The following EDA variants were observed in gnomAD, a reference collection of about 807,000 sequenced individuals.
EDA encodes ectodysplasin-A.
In EDA, 2 loss-of-function variants were observed where a neutral mutation model predicts 23.6. That is an observed-to-expected ratio of 0.08 (90% confidence interval 0.03 to 0.27). EDA has a LOEUF of 0.27. EDA is among the 10% of genes least tolerant of loss of function. The probability of loss-of-function intolerance (pLI) is 1.00; values close to 1 mark genes in which losing one functional copy is unlikely to be tolerated. For synonymous variants in EDA, 131 were observed against 132.0 expected (o/e 0.99, Z 0.05); for missense variants, 229 against 324.2 (o/e 0.71, Z 2.26).
At chrX:69,789,212 A>T (rs899092582) in intron 1 of EDA, among the ~76,000 whole-genome samples, 17 of 111,928 alleles carry the variant, frequency 1.5e-4, no homozygotes, top group African/African-American at 5.2e-4. Context: ...TAGTGAGATG[A>T]ACCCGGTACC....
chrX:69,895,141 G>A (rs1365428539), intron 1 of EDA, among the ~76,000 whole-genome samples: 1 of 111,008 alleles, frequency 9.0e-6, no homozygotes, highest in Admixed American at 9.7e-5. Flanking sequence ...TTTATCAAAG[G>A]CCTTTTCTGC....
chrX:69,945,146 C>T (rs1177239027), intron 1 of EDA, among the ~76,000 whole-genome samples: 9 of 111,798 alleles, frequency 8.1e-5, no homozygotes, highest in Admixed American at 7.6e-4. Context: ...TATGATCACT[C>T]ATCTGATTTT....
chrX:69,953,352 C>T (rs958074400), intron 1 of EDA, among the ~76,000 whole-genome samples: 4 of 112,059 alleles, frequency 3.6e-5, no homozygotes, highest in Non-Finnish European at 7.5e-5. Context: ...TGAAACAGTA[C>T]TTCACATCCA....
At chrX:69,957,265 G>A (rs2019023767) in intron 2 of EDA, 133 bp downstream of exon 2, 2 of 578,468 alleles carry the variant, frequency 3.5e-6, no homozygotes, top group Non-Finnish European at 5.8e-6. Flanking sequence ...GCCCACGCGG[G>A]CAGATCACTT....
At chrX:69,711,908 C>T (rs1468594077) in intron 1 of EDA, among the ~76,000 whole-genome samples, 1 of 111,006 alleles carries the variant, frequency 9.0e-6, no homozygotes, top group African/African-American at 3.3e-5. Context: ...GTCTTGCTAG[C>T]AGTCTATCAA....
intron 4 of EDA, among the ~76,000 whole-genome samples, chrX:70,029,241 C>T (rs1778914679): frequency 8.9e-6 from 1 of 112,467 alleles, no homozygotes; most frequent in African/African-American, 3.2e-5. Context: ...CATGGGTGCC[C>T]GGTGGGGCTT....
At chrX:69,797,936 G>A (rs769796236) in intron 1 of EDA, among the ~76,000 whole-genome samples, 89 of 111,945 alleles carry the variant, frequency 8.0e-4, no homozygotes, top group Non-Finnish European at 1.6e-3. Context: ...AACTTTACCT[G>A]TAAAGACACA....
At chrX:70,008,819 A>G (rs138373102) in intron 2 of EDA, among the ~76,000 whole-genome samples, 1 of 111,504 alleles carries the variant, frequency 9.0e-6, no homozygotes, top group Non-Finnish European at 1.9e-5. Flanking sequence ...AGTGCCTCTG[A>G]TTTTAGTTTT....
intron 1 of EDA, among the ~76,000 whole-genome samples, chrX:69,942,787 T>G (rs998891056): frequency 9.0e-6 from 1 of 111,574 alleles, no homozygotes; most frequent in Non-Finnish European, 1.9e-5. Flanking sequence ...GTTTCTGCCC[T>G]GATCTCTCTC....
chrX:69,806,776 C>T (rs1252583914), intron 1 of EDA, among the ~76,000 whole-genome samples: 1 of 109,336 alleles, frequency 9.1e-6, no homozygotes, highest in Admixed American at 9.9e-5. Flanking sequence ...GAGTTCCAAG[C>T]AGAGGAAATG....
At chrX:69,981,276 T>G (rs1415298886) in intron 2 of EDA, among the ~76,000 whole-genome samples, 2 of 111,474 alleles carry the variant, frequency 1.8e-5, no homozygotes, top group Non-Finnish European at 3.8e-5. Flanking sequence ...TGAGTACTAT[T>G]TCTACACTCC....
At chrX:69,682,337 G>A (rs1455037833) in intron 1 of EDA, among the ~76,000 whole-genome samples, 1 of 112,609 alleles carries the variant, frequency 8.9e-6, no homozygotes, top group Non-Finnish European at 1.9e-5. Flanking sequence ...CTTGAGCTGT[G>A]GTGGGCTCCA....
intron 1 of EDA, among the ~76,000 whole-genome samples, chrX:69,803,101 A>G (rs1231306825): frequency 9.0e-6 from 1 of 111,136 alleles, no homozygotes; most frequent in Non-Finnish European, 1.9e-5. Flanking sequence ...GGCTGAAATA[A>G]TTATGTACAG....
intron 1 of EDA, among the ~76,000 whole-genome samples, chrX:69,733,239 A>C (rs1426351793): frequency 8.9e-6 from 1 of 112,153 alleles, no homozygotes; most frequent in Admixed American, 9.4e-5. Context: ...TTTAGGTCTA[A>C]CATTTAAGTC....
intron 2 of EDA, among the ~76,000 whole-genome samples, chrX:69,964,767 C>T (rs6624450): frequency 0.098 from 10,888 of 110,910 alleles, 917 homozygotes; most frequent in East Asian, 0.6. Context: ...TATAGATGTG[C>T]GGTCAGAAGG....
chrX:69,634,424 C>G (rs932605319), intron 1 of EDA, among the ~76,000 whole-genome samples: 1 of 110,936 alleles, frequency 9.0e-6, no homozygotes, highest in Non-Finnish European at 1.9e-5. Context: ...GTGATCCTTC[C>G]GCATCAGCCC....
At chrX:69,713,396 G>A (rs1037824435) in intron 1 of EDA, among the ~76,000 whole-genome samples, 18 of 111,395 alleles carry the variant, frequency 1.6e-4, no homozygotes, top group Non-Finnish European at 3.0e-4. Context: ...ACTTGTAGTC[G>A]TATACAATCT....
At chrX:70,033,569 T>C in intron 7 of EDA, 41 bp downstream of exon 7, 1 of 1,203,945 alleles carries the variant, frequency 8.3e-7, no homozygotes, top group Non-Finnish European at 1.1e-6. Context: ...ATATCCAGAA[T>C]GCAGATCCGG....
rs780245506 is a variant in EDA at position 69,635,202 on chromosome X, CTT to C, written c.396+18499_396+18500del. Reference sequence around the variant, plus strand: ...GGTCTACACTCTTGCCTTCTTTTCTCTTGTTAGTTTATATATTCTCCCAGTGT... The same window carrying C: ...GGTCTACACTCTTGCCTTCTTTTCTCGTTAGTTTATATATTCTCCCAGTGT... On this transcript the variant is annotated intron_variant, in intron 1 of 7. Transcript: ENST00000374552. 2.7e-5 allele frequency among the ~76,000 whole-genome samples: 3 copies of C among 111,900 alleles called. No individual in the cohort carries two copies. In the East Asian group the frequency reaches 8.4e-4, roughly 31 times the overall value.
Sources: gnomAD v4.1 joint callset for allele counts (sites outside exome capture counted in the v4.1 genomes callset) on GRCh38, gnomAD v4.1.1 for gene constraint, MANE v1.5 for transcripts, NCBI Gene and HGNC (gene_info 2026-07-23, HGNC 2026-07-21) for gene names.